The following PLCG2 variants were observed in gnomAD, a reference collection of about 807,000 sequenced individuals.
PLCG2 encodes the protein phospholipase C gamma 2.
A neutral mutation model predicts 175.6 loss-of-function variants in PLCG2; 69 were observed. The ratio of observed to expected loss-of-function variants is 0.39; its 90% confidence interval spans 0.32 to 0.48. The LOEUF (loss-of-function observed/expected upper bound fraction) is 0.48, where lower values mean the gene tolerates loss of function less well. Ranked by LOEUF, PLCG2 falls within the 20% of genes least tolerant of loss-of-function variation. PLCG2 has a pLI of 0.91. For synonymous variants in PLCG2, 827 were observed against 624.0 expected, an observed-to-expected ratio of 1.33 and a Z score of -4.85; for missense variants, 1,798 against 1,650.9, an observed-to-expected ratio of 1.09 and a Z score of -1.54.
intron 22 of PLCG2, 112 bp from the exon 23 acceptor site, chr16:81,926,970 A>T (rs1302625909): frequency 1.4e-6 from 1 of 712,366 alleles, no homozygotes; most frequent in African/African-American, 1.8e-5. Flanking sequence ...TCACTTGGCC[A>T]CTTGCTGTCT....
Position 81,936,360 on chromosome 16 carries a change from C to T in PLCG2, c.3034C>T (p.Leu1012Phe), listed in dbSNP as rs1597143704. ...LWLCGSQMVA[L>F]NFQTADKYMQ... ...GCTGTGCGGTTCTCAGATGGTGGCA[C>T]TCAATTTCCAGACGGCAGGTAAAGG... Residue 1012 changes from leucine to phenylalanine, a missense_variant, in exon 27 of 33, where the codon CTC becomes TTC. By Grantham distance (22) the Leu-to-Phe change is conservative (BLOSUM62 0). Transcript: ENST00000564138. 1.9e-6 allele frequency: 3 copies of T among 1,613,830 alleles called. No individual in the cohort carries two copies. Among genetic ancestry groups the T allele is most frequent in the Non-Finnish European group, 2.5e-6 (3 of 1,180,034 alleles).
chr16:81,947,734 G>T (rs917166527), intron 31 of PLCG2, among the ~76,000 whole-genome samples: 2 of 152,090 alleles, frequency 1.3e-5, no homozygotes, highest in Admixed American at 6.5e-5. Context: ...TTATCAAGTC[G>T]CAGTCCTTTA....
chr16:81,901,452 C>G (rs1909147193), intron 14 of PLCG2, among the ~76,000 whole-genome samples: 2 of 152,158 alleles, frequency 1.3e-5, no homozygotes, highest in African/African-American at 4.8e-5. Flanking sequence ...GAGCTCTAGC[C>G]CACAAGGTGA....
intron 2 of PLCG2, among the ~76,000 whole-genome samples, chr16:81,809,350 G>C (rs1323621054): frequency 6.6e-6 from 1 of 152,080 alleles, no homozygotes; most frequent in Admixed American, 6.5e-5. Flanking sequence ...CAATACCCCA[G>C]CTCCCTCACC....
Position 81,935,627 on chromosome 16 carries a change from G to A in PLCG2, c.2843-542G>A, listed in dbSNP as rs1910675327. 3.0e-6 allele frequency: 3 copies of A among 985,348 alleles called. No homozygotes were observed. In the African/African-American group the frequency reaches 5.2e-5, roughly 17 times the overall value. 61.0% of individuals were successfully genotyped at this position (985,348 alleles called of 1,614,324 possible). ...ACTTCTACCTTCAGGGACTCAGCAG[G>A]CTCAGCATGTTGACTGCCGGGCTAT... is the stretch of plus-strand genomic sequence containing the variant. On this transcript the variant is annotated intron_variant, in intron 26 of 32. Coordinates refer to ENST00000564138, the MANE Select transcript of PLCG2 (RefSeq NM_002661.5).
chr16:81,901,827 C>A (rs1013943596), intron 14 of PLCG2, among the ~76,000 whole-genome samples: 7 of 152,114 alleles, frequency 4.6e-5, no homozygotes, highest in African/African-American at 1.4e-4. Flanking sequence ...ATGAAGAAAC[C>A]CATCTTTTAG....
intron 1 of PLCG2, among the ~76,000 whole-genome samples, chr16:81,748,748 C>T (rs1428541510): frequency 4.6e-5 from 7 of 152,172 alleles, no homozygotes; most frequent in Non-Finnish European, 1.0e-4. Context: ...ATGGTAAACC[C>T]AAACAGAAGG....
chr16:81,938,787 C>G lies in PLCG2; in HGVS notation c.3199-14C>G, dbSNP rs76089081. 1.3e-6 allele frequency: 2 copies of G among 1,563,888 alleles called. No individual in the cohort carries two copies. The highest frequency in any genetic ancestry group is 4.5e-5 in the East Asian group (2 of 44,644). ...ACCCCAGGGGGGTTCCAATGCTTCC[C>G]TTTGGTGTCCCAGGTTCTCGGTGCT... is the stretch of plus-strand genomic sequence containing the variant. On this transcript the variant is annotated splice_polypyrimidine_tract_variant and intron_variant, in intron 28 of 32. Transcript: ENST00000564138.
chr16:81,906,835 C>T (rs370920969), intron 15 of PLCG2, among the ~76,000 whole-genome samples: 9 of 152,208 alleles, frequency 5.9e-5, no homozygotes, highest in East Asian at 3.9e-4. Context: ...GTCAGGAGAT[C>T]GAGACCATCC....
In PLCG2 at chr16:81,962,445, G is replaced by A. The variant is rs1911812358; in HGVS notation, c.*4447G>A. The A allele has an allele frequency of 4.6e-6, 1 of 215,938 alleles. No homozygotes were observed. Among genetic ancestry groups the A allele is most frequent in the Admixed American group, 5.8e-5 (1 of 17,166 alleles). 13.4% of individuals were successfully genotyped at this position (215,938 alleles called of 1,614,324 possible). ...AAAATATTTTCTTTTTGAAGAGCCA[G>A]ATTCCAGTGATCCTGCCTCTCAGAA... On this transcript the variant is annotated 3_prime_UTR_variant, in exon 33 of 33. Coordinates refer to ENST00000564138, the MANE Select transcript of PLCG2 (RefSeq NM_002661.5).
At chr16:81,932,160 A>T (rs1377088760) in intron 25 of PLCG2, among the ~76,000 whole-genome samples, 1 of 152,038 alleles carries the variant, frequency 6.6e-6, no homozygotes, top group Non-Finnish European at 1.5e-5. Context: ...GTCCTACCTG[A>T]AGTACTAGTC....
chr16:81,863,108 A>G (rs1250750635), intron 5 of PLCG2, among the ~76,000 whole-genome samples: 1 of 152,226 alleles, frequency 6.6e-6, no homozygotes, highest in Non-Finnish European at 1.5e-5. Flanking sequence ...GGGATGAAGT[A>G]TATCATGTTG....
At chr16:81,880,577 A>G (rs1348011041) in intron 7 of PLCG2, among the ~76,000 whole-genome samples, 5 of 152,208 alleles carry the variant, frequency 3.3e-5, no homozygotes, top group African/African-American at 1.2e-4. Context: ...AAACACAGCA[A>G]AAAATTGTGA....
intron 1 of PLCG2, among the ~76,000 whole-genome samples, chr16:81,752,406 C>T (rs1210213560): frequency 6.6e-6 from 1 of 152,198 alleles, no homozygotes; most frequent in Non-Finnish European, 1.5e-5. Context: ...TTTTAAGGCT[C>T]TCTCTTGCTG....
intron 19 of PLCG2, among the ~76,000 whole-genome samples, chr16:81,914,438 G>A (rs1220687674): frequency 2.0e-5 from 3 of 152,258 alleles, no homozygotes; most frequent in East Asian, 3.9e-4. Context: ...ATGGGGTTGG[G>A]GTCACTTCAA....
chr16:81,818,624 A>G (rs538562736), intron 2 of PLCG2, among the ~76,000 whole-genome samples: 253 of 152,280 alleles, frequency 1.7e-3, no homozygotes, highest in African/African-American at 5.8e-3. Context: ...AACAATAGCC[A>G]GGACAGAGCC....
At chr16:81,851,644 C>G (rs1354441694) in intron 2 of PLCG2, among the ~76,000 whole-genome samples, 1 of 152,216 alleles carries the variant, frequency 6.6e-6, no homozygotes, top group Non-Finnish European at 1.5e-5. Context: ...TCCCAAGTAG[C>G]TGGTACAACT....
rs776623756 is a variant in PLCG2, at chr16:81,747,828, C to A, written c.-144-8042C>A. On this transcript the variant is annotated intron_variant, in intron 1 of 5. Coordinates refer to the PLCG2 transcript ENST00000565054. Reference sequence around the variant, plus strand: ...TGTCATAAAAGACAATATGGACTGGCGGACTGTTTTAGATTACAGTAGACT... The same window carrying A: ...TGTCATAAAAGACAATATGGACTGGAGGACTGTTTTAGATTACAGTAGACT... Among the ~76,000 whole-genome samples, 3 of 151,998 alleles carry A rather than the reference C, an allele frequency of 2.0e-5. No individual in the cohort carries two copies. The East Asian group carries it at 5.8e-4, about 29-fold the overall frequency.
chr16:81,858,951 C>T (rs1394079931), intron 4 of PLCG2, among the ~76,000 whole-genome samples, 165 bp from the exon 5 acceptor site: 1 of 152,156 alleles, frequency 6.6e-6, no homozygotes, highest in African/African-American at 2.4e-5. Flanking sequence ...AGGCCTTTTC[C>T]ACACTAGGAG....
Sources: gnomAD v4.1 joint callset for allele counts (sites outside exome capture counted in the v4.1 genomes callset) on GRCh38, gnomAD v4.1.1 for gene constraint, MANE v1.5 for transcripts, NCBI Gene and HGNC (gene_info 2026-07-23, HGNC 2026-07-21) for gene names.